NRXN3: variants seen among roughly 807,000 people sequenced by gnomAD.
NRXN3 encodes the protein neurexin 3.
A neutral mutation model predicts 137.6 loss-of-function variants in NRXN3; 32 were observed. The observed-to-expected ratio is 0.23, with a 90% CI of 0.18 to 0.31. The LOEUF is 0.31. Ranked by LOEUF, NRXN3 falls within the 10% of genes least tolerant of loss-of-function variation. NRXN3 has a pLI of 1.00. For synonymous variants in NRXN3, 798 were observed against 784.5 expected (o/e 1.02, Z -0.29); for missense variants, 1,574 against 2,062.5 (o/e 0.76, Z 4.59).
At chr14:79,747,040 T>C (rs1465344792) in intron 19 of NRXN3, among the ~76,000 whole-genome samples, 3 of 152,078 alleles carry the variant, frequency 2.0e-5, no homozygotes, top group Admixed American at 6.6e-5. Flanking sequence ...AATAGGGCAT[T>C]TGGCTCTCAG....
rs528816687 is a variant in NRXN3, at chr14:78,577,770, G to A, written c.758-67350G>A. ...CTTTAATGTTGCGTACAGAAACTGA[G>A]GGTCACAGAAGTTAAATAACTCACC... On this transcript the variant is annotated intron_variant, in intron 4 of 20. Transcript: ENST00000335750. Among the ~76,000 whole-genome samples the A allele has an allele frequency of 2.6e-5, 4 of 152,278 alleles. No homozygotes were observed. The East Asian group carries it at 5.8e-4, about 22-fold the overall frequency.
At position 79,051,067 on chromosome 14, in the gene NRXN3, A is replaced by G. The variant is rs73320805; in HGVS notation, c.3262+62926A>G. ...ATTTTATTGCTGTGGATGCTGACAC[A>G]TAGGGAGGTTTAAAACCCTGCCCCA... On this transcript the variant is annotated intron_variant, in intron 15 of 20. Transcript: ENST00000335750. Among the ~76,000 whole-genome samples the G allele has an allele frequency of 9.1e-3, 1,382 of 152,302 alleles. 14 individuals are homozygous for G. The highest frequency in any genetic ancestry group is 0.028 in the African/African-American group (1,163 of 41,564).
At position 79,866,671 on chromosome 14, in the gene NRXN3, G is replaced by C. The variant is rs183276938; in HGVS notation, c.*4707G>C. 1 of 152,162 alleles carries C rather than the reference G, an allele frequency of 6.6e-6. No individual in the cohort carries two copies. Among genetic ancestry groups the C allele is most frequent in the Admixed American group, 6.5e-5 (1 of 15,286 alleles). The allele number at this position is 152,162 out of a possible 1,614,324, so 9.4% of individuals were successfully genotyped here. A position where few individuals can be genotyped will look rare whatever the true frequency, so the allele number is the denominator to read the frequency against. On this transcript the variant is annotated 3_prime_UTR_variant, in exon 21 of 21. Coordinates refer to ENST00000335750, the MANE Select transcript of NRXN3 (RefSeq NM_001330195.2). ...GTTCAAGGTCAAGGGCTGCTTTGTCGAGTACAAAGGACTCGAGCATATTTG... is the reference window on the plus strand; with the variant it reads ...GTTCAAGGTCAAGGGCTGCTTTGTCCAGTACAAAGGACTCGAGCATATTTG...
intron 20 of NRXN3, among the ~76,000 whole-genome samples, chr14:79,808,588 A>G (rs1024743013): frequency 6.6e-6 from 1 of 152,056 alleles, no homozygotes; most frequent in African/African-American, 2.4e-5. Flanking sequence ...GCCTTGTTCT[A>G]TCATACTTAC....
chr14:78,276,329 G>T (rs2073585626), intron 2 of NRXN3, among the ~76,000 whole-genome samples: 1 of 152,144 alleles, frequency 6.6e-6, no homozygotes, highest in Admixed American at 6.5e-5. Context: ...AGAGGGAGGG[G>T]AGATCGGGAG....
intron 15 of NRXN3, among the ~76,000 whole-genome samples, chr14:79,284,564 G>A (rs1338349581): frequency 6.6e-6 from 1 of 151,706 alleles, no homozygotes; most frequent in Non-Finnish European, 1.5e-5. Context: ...CTCTTGGAAA[G>A]CTCAGTTTTA....
chr14:78,875,076 G>C (rs2099110797), intron 10 of NRXN3, among the ~76,000 whole-genome samples: 1 of 152,206 alleles, frequency 6.6e-6, no homozygotes, highest in Non-Finnish European at 1.5e-5. Flanking sequence ...CTGGGCCTCT[G>C]CTGGAAGAGC....
At chr14:78,851,944 G>C (rs2099043797) in intron 10 of NRXN3, among the ~76,000 whole-genome samples, 1 of 151,958 alleles carries the variant, frequency 6.6e-6, no homozygotes, top group Non-Finnish European at 1.5e-5. Flanking sequence ...AAAATATAAA[G>C]ACCTTAATAG....
In NRXN3 at chr14:78,297,863, A is replaced by C. The variant is rs1170219259; in HGVS notation, c.757+3A>C. The C allele has an allele frequency of 3.9e-6, 6 of 1,536,110 alleles. No homozygotes were observed. The highest frequency in any genetic ancestry group is 4.4e-6 in the Non-Finnish European group (5 of 1,146,904). On this transcript the variant is annotated splice_donor_region_variant and intron_variant, in intron 4 of 20. Transcript: ENST00000335750. ...CCACCTCATGATGAGTGAACAAGGT[A>C]GGTGCTTTGTGCTTGTGGTCCTGCA...
rs141549469 is a variant in NRXN3, at chr14:79,784,725, C to A, written c.4015-20387C>A. On this transcript the variant is annotated intron_variant, in intron 19 of 20. Coordinates refer to ENST00000335750, the MANE Select transcript of NRXN3 (RefSeq NM_001330195.2). The stretch of plus-strand genomic sequence containing the variant: ...TTCCTTTATGTAACTTTCACTTCAA[C>A]AAGTATGTTCCAGCTGGGAGTCTAT... 3.4e-3 allele frequency among the ~76,000 whole-genome samples: 495 copies of A among 144,486 alleles called. 1 individual carries two copies. The highest frequency in any genetic ancestry group is 0.012 in the African/African-American group (463 of 39,522). The allele number at this position is 144,486 out of a possible 152,430, so 94.8% of individuals were successfully genotyped here.
chr14:78,258,840 A>C (rs2153472695), intron 2 of NRXN3, among the ~76,000 whole-genome samples: 1 of 152,308 alleles, frequency 6.6e-6, no homozygotes, highest in Non-Finnish European at 1.5e-5. Flanking sequence ...TGTTCATTTA[A>C]GAACATTCCT....
At chr14:78,774,188 C>T (rs900671354) in intron 8 of NRXN3, among the ~76,000 whole-genome samples, 1 of 152,194 alleles carries the variant, frequency 6.6e-6, no homozygotes, top group Non-Finnish European at 1.5e-5. Context: ...GTGCCAGACA[C>T]TATGGCCAGA....
Position 79,297,677 on chromosome 14 carries a change from T to G in NRXN3, c.3263-169544T>G, listed in dbSNP as rs145513742. Among the ~76,000 whole-genome samples, 547 of 152,160 alleles carry G rather than the reference T, an allele frequency of 3.6e-3. 5 individuals carry two copies. The highest frequency in any genetic ancestry group is 0.011 in the African/African-American group (467 of 41,520). The stretch of plus-strand genomic sequence containing the variant: ...ACTTTGAAAATCATCAAAGGGAAAG[T>G]TAAGGACAGGGTGGTGGCATTGAGG... On this transcript the variant is annotated intron_variant, in intron 15 of 20. Transcript: ENST00000335750.
intron 16 of NRXN3, among the ~76,000 whole-genome samples, chr14:79,520,823 T>A (rs914217696): frequency 1.3e-5 from 2 of 152,002 alleles, no homozygotes; most frequent in Non-Finnish European, 2.9e-5. Context: ...TTGGTGGGAG[T>A]GTAAATTAGT....
At chr14:79,557,674 A>G (rs2097444548) in intron 16 of NRXN3, among the ~76,000 whole-genome samples, 1 of 152,204 alleles carries the variant, frequency 6.6e-6, no homozygotes, top group East Asian at 1.9e-4. Context: ...AAAAATTATC[A>G]GAGCCTTCAG....
intron 4 of NRXN3, among the ~76,000 whole-genome samples, chr14:78,314,874 TTCCG>T (rs1314381229): frequency 4.6e-4 from 36 of 77,920 alleles, no homozygotes; most frequent in Non-Finnish European, 9.0e-4. Context: ...TATTTTTCTT[TTCCG>T]TTCTTTCTTT....
chr14:78,445,354 A>T (rs2094389391), intron 4 of NRXN3, among the ~76,000 whole-genome samples: 1 of 152,228 alleles, frequency 6.6e-6, no homozygotes, highest in Non-Finnish European at 1.5e-5. Flanking sequence ...GTCCAACCAG[A>T]TGATATCTAG....
intron 15 of NRXN3, among the ~76,000 whole-genome samples, chr14:79,094,979 A>AGTGTGTGTGTGTGTGTGT (rs1555740770): frequency 1.7e-5 from 2 of 115,878 alleles, no homozygotes; most frequent in East Asian, 2.7e-4. Flanking sequence ...AGAGAGAGAG[A>AGTGTGTGTGTGTGTGTGT]GTGTGTGTGT....
chr14:79,186,251 GA>G (rs5809927), intron 15 of NRXN3, among the ~76,000 whole-genome samples: 9 of 150,428 alleles, frequency 6.0e-5, no homozygotes, highest in Non-Finnish European at 8.9e-5. Flanking sequence ...GGTGTTACCT[GA>G]AAAAAAAAGG....
Sources: gnomAD v4.1 joint callset for allele counts (sites outside exome capture counted in the v4.1 genomes callset) on GRCh38, gnomAD v4.1.1 for gene constraint, MANE v1.5 for transcripts, NCBI Gene and HGNC (gene_info 2026-07-23, HGNC 2026-07-21) for gene names.